The following CUL1 variants were observed in gnomAD, a reference collection of about 807,000 sequenced individuals.
The protein encoded by CUL1 is cullin-1.
CUL1 carries 24 observed loss-of-function variants against 118.0 expected under a neutral mutation model. The ratio of observed to expected loss-of-function variants is 0.20; its 90% confidence interval spans 0.15 to 0.29. The LOEUF is 0.29. CUL1 is among the 10% of genes least tolerant of loss of function. The pLI, the probability that CUL1 is intolerant of heterozygous loss-of-function variation, is 1.00. For synonymous variants in CUL1, 332 were observed against 340.4 expected (o/e 0.98, Z 0.27); for missense variants, 361 against 933.8 (o/e 0.39, Z 7.99).
chr7:148,716,907 G>T (rs1446801965), intron 1 of CUL1, among the ~76,000 whole-genome samples: 2 of 152,126 alleles, frequency 1.3e-5, no homozygotes, highest in Non-Finnish European at 2.9e-5. Flanking sequence ...GCACATTTTG[G>T]GAATAGATTC....
intron 16 of CUL1, among the ~76,000 whole-genome samples, chr7:148,792,154 C>T (rs528710265): frequency 1.3e-5 from 2 of 151,098 alleles, no homozygotes; most frequent in African/African-American, 4.9e-5. Flanking sequence ...CCACTGCACT[C>T]CAGCCTGGGT....
intron 9 of CUL1, among the ~76,000 whole-genome samples, chr7:148,781,589 C>T (rs1563167615): frequency 6.6e-6 from 1 of 152,114 alleles, no homozygotes; most frequent in East Asian, 1.9e-4. Flanking sequence ...GGAAAAATGG[C>T]CAAAACATTT....
chr7:148,707,447 C>T (rs1412159664), intron 1 of CUL1, among the ~76,000 whole-genome samples: 1 of 152,128 alleles, frequency 6.6e-6, no homozygotes. Flanking sequence ...AAGCCTGTGT[C>T]ATTTACATGT....
chr7:148,747,748 A>T (rs1799351517), intron 2 of CUL1, among the ~76,000 whole-genome samples: 2 of 152,366 alleles, frequency 1.3e-5, no homozygotes, highest in African/African-American at 4.8e-5. Flanking sequence ...TAAAAGAGAA[A>T]TTCTATAAAT....
chr7:148,736,053 A>G (rs1798929582), intron 2 of CUL1, among the ~76,000 whole-genome samples: 1 of 149,934 alleles, frequency 6.7e-6, no homozygotes, highest in African/African-American at 2.5e-5. Flanking sequence ...GCATGCCTGT[A>G]GTCCCAACTA....
chr7:148,765,400 C>T lies in CUL1; in HGVS notation c.790-1161C>T, dbSNP rs1584800126. 5.9e-5 allele frequency among the ~76,000 whole-genome samples: 9 copies of T among 152,278 alleles called. 1 individual carries two copies. The highest frequency in any genetic ancestry group is 4.6e-4 in the Admixed American group (7 of 15,302). On this transcript the variant is annotated intron_variant, in intron 7 of 21. Coordinates refer to ENST00000325222, the MANE Select transcript of CUL1 (RefSeq NM_003592.3). ...ATCCCAGAACTTTGGGAAGCCGAGGCAGGAGAATTGCTTGAAGCCAGGAGT... is the reference window on the plus strand; with the variant it reads ...ATCCCAGAACTTTGGGAAGCCGAGGTAGGAGAATTGCTTGAAGCCAGGAGT...
At chr7:148,797,897 C>A (rs1035632404) in intron 18 of CUL1, 38 bp downstream of exon 18, 2 of 1,609,490 alleles carry the variant, frequency 1.2e-6, no homozygotes, top group Non-Finnish European at 1.7e-6. Flanking sequence ...TAGAAGAAGC[C>A]TTTTCCTGAG....
intron 2 of CUL1, among the ~76,000 whole-genome samples, chr7:148,740,137 C>T (rs1209786470): frequency 6.6e-6 from 1 of 151,624 alleles, no homozygotes; most frequent in Non-Finnish European, 1.5e-5. Context: ...ACTGCAATCT[C>T]CACCTCGCAG....
At chr7:148,719,470 A>G (rs1207658051) in intron 1 of CUL1, among the ~76,000 whole-genome samples, 1 of 152,154 alleles carries the variant, frequency 6.6e-6, no homozygotes, top group Admixed American at 6.5e-5. Flanking sequence ...AATAAGTGCA[A>G]ATTTTTCAAG....
At chr7:148,735,757 C>CGT (rs774635555) in intron 2 of CUL1, among the ~76,000 whole-genome samples, 31 of 151,742 alleles carry the variant, frequency 2.0e-4, no homozygotes, top group East Asian at 3.9e-4. Flanking sequence ...CTATCCTTCT[C>CGT]GTGTGTGTGT....
At chr7:148,783,704 A>AG in intron 9 of CUL1, 79 bp from the exon 10 acceptor site, 1 of 1,577,854 alleles carries the variant, frequency 6.3e-7, no homozygotes, top group Non-Finnish European at 8.7e-7. Flanking sequence ...TTTGTATGCT[A>AG]GTACATGCAT....
At chr7:148,763,159 A>T (rs922254453) in intron 7 of CUL1, among the ~76,000 whole-genome samples, 5 of 151,782 alleles carry the variant, frequency 3.3e-5, no homozygotes, top group Non-Finnish European at 4.4e-5. Flanking sequence ...AAAAAAAAAT[A>T]AAAATAAAAA....
chr7:148,789,441 C>A (rs2129463101), intron 14 of CUL1, among the ~76,000 whole-genome samples: 1 of 152,134 alleles, frequency 6.6e-6, no homozygotes, highest in South Asian at 2.1e-4. Context: ...CTTGAGTGGA[C>A]TGAGTGATTC....
chr7:148,754,181 C>A, intron 3 of CUL1, 31 bp downstream of exon 3: 4 of 1,350,358 alleles, frequency 3.0e-6, no homozygotes, highest in Admixed American at 2.2e-5. Context: ...ACTGAGTATT[C>A]ATAACAGGAT....
At chr7:148,785,182 A>G (rs1430111259) in intron 11 of CUL1, among the ~76,000 whole-genome samples, 1 of 151,952 alleles carries the variant, frequency 6.6e-6, no homozygotes, top group Admixed American at 6.6e-5. Context: ...AATAAACAGG[A>G]GTATTTATTC....
chr7:148,754,202 T>C (rs1245247400), intron 3 of CUL1, 52 bp downstream of exon 3: 1 of 1,201,154 alleles, frequency 8.3e-7, no homozygotes, highest in Non-Finnish European at 1.2e-6. Flanking sequence ...ATAAAAAAAG[T>C]GAAATAATGG....
chr7:148,751,483 C>T lies in CUL1; in HGVS notation c.141-2493C>T, dbSNP rs369561452. Among the ~76,000 whole-genome samples, 5 of 140,980 alleles carry T rather than the reference C, an allele frequency of 3.5e-5. No individual in the cohort carries two copies. In the South Asian group the frequency reaches 6.8e-4, roughly 19 times the overall value. The allele number at this position is 140,980 out of a possible 152,430, so 92.5% of individuals were successfully genotyped here. A position where few individuals can be genotyped will look rare whatever the true frequency, so the allele number is the denominator to read the frequency against. On this transcript the variant is annotated intron_variant, in intron 2 of 21. Coordinates refer to ENST00000325222, the MANE Select transcript of CUL1 (RefSeq NM_003592.3). ...CCGGGAGGCAGAGGTTGCAGTGAGC[C>T]GAGATTACATCACTGCACTACAGCC...
intron 9 of CUL1, among the ~76,000 whole-genome samples, chr7:148,779,563 G>C (rs141801729): frequency 6.6e-6 from 1 of 152,328 alleles, no homozygotes; most frequent in East Asian, 1.9e-4. Flanking sequence ...AAGGCAGCAT[G>C]GGCTGGCCAG....
intron 14 of CUL1, 44 bp from the exon 15 acceptor site, chr7:148,789,706 A>G (rs1465133486): frequency 1.4e-6 from 2 of 1,478,878 alleles, no homozygotes; most frequent in Non-Finnish European, 1.9e-6. Context: ...AAACTAATTA[A>G]TGTATTCCAG....
Sources: gnomAD v4.1 joint callset for allele counts (sites outside exome capture counted in the v4.1 genomes callset) on GRCh38, gnomAD v4.1.1 for gene constraint, MANE v1.5 for transcripts, NCBI Gene and HGNC (gene_info 2026-07-23, HGNC 2026-07-21) for gene names.